The following CAPRIN1 variants were observed in gnomAD, a reference collection of about 807,000 sequenced individuals.
CAPRIN1 encodes cell cycle associated protein 1, also known as caprin-1.
In CAPRIN1, 29 loss-of-function variants were observed where a neutral mutation model predicts 100.9. The observed-to-expected ratio is 0.29, with a 90% CI of 0.21 to 0.39. The LOEUF is 0.39. CAPRIN1 is among the 10% of genes least tolerant of loss of function. The probability of loss-of-function intolerance (pLI) is 1.00; values close to 1 mark genes in which losing one functional copy is unlikely to be tolerated. For missense variants in CAPRIN1, 795 were observed against 876.7 expected, an observed-to-expected ratio of 0.91 and a Z score of 1.18; for synonymous variants, 338 against 307.5, an observed-to-expected ratio of 1.10 and a Z score of -1.04.
At chr11:34,092,435 C>T (rs1851281860) in intron 15 of CAPRIN1, among the ~76,000 whole-genome samples, 1 of 151,526 alleles carries the variant, frequency 6.6e-6, no homozygotes, top group Admixed American at 6.6e-5. Flanking sequence ...CGGCTTACTG[C>T]AACCTCTGCC....
At chr11:34,062,428 A>G (rs1171881385) in intron 2 of CAPRIN1, among the ~76,000 whole-genome samples, 2 of 152,138 alleles carry the variant, frequency 1.3e-5, no homozygotes, top group South Asian at 2.1e-4. Flanking sequence ...GATCAAGACC[A>G]TCTTGGCTAA....
Position 34,086,175 on chromosome 11 carries a change from C to T in CAPRIN1, c.1078C>T (p.Gln360Ter), listed in dbSNP as rs765686887. The T allele has an allele frequency of 6.2e-7, 1 of 1,614,158 alleles. No individual in the cohort carries two copies. The highest frequency in any genetic ancestry group is 8.5e-7 in the Non-Finnish European group (1 of 1,180,004). The stretch of plus-strand genomic sequence containing the variant: ...TCCCCTTGTGAGAAGACAGCGAGTA[C>T]AAGACCTTATGGCACAAATGCAGGG... ...ADPLVRRQRVQDLMAQMQGPY... is the reference protein window; with the variant it reads ...ADPLVRRQRV The change falls in exon 10 of 19, where the codon CAA becomes TAA. Residue 360 changes from glutamine (Q) to a stop codon, truncating the protein, a stop_gained. Transcript: ENST00000341394. LOFTEE classifies it high-confidence loss of function.
intron 2 of CAPRIN1, among the ~76,000 whole-genome samples, chr11:34,061,359 A>T (rs1850575920): frequency 6.6e-6 from 1 of 151,606 alleles, no homozygotes; most frequent in Non-Finnish European, 1.5e-5. Context: ...GGCAACCACC[A>T]CCGCACCCGG....
At chr11:34,087,623 G>A (rs1477208949) in intron 11 of CAPRIN1, among the ~76,000 whole-genome samples, 2 of 152,006 alleles carry the variant, frequency 1.3e-5, no homozygotes, top group Admixed American at 6.5e-5. Context: ...GTGAGCCACC[G>A]CGCCCGGCTC....
intron 16 of CAPRIN1, 63 bp from the exon 17 acceptor site, chr11:34,097,133 T>C: frequency 8.4e-7 from 1 of 1,195,598 alleles, no homozygotes. Flanking sequence ...TCTTCATTAA[T>C]AAAAAAGTAA....
At chr11:34,084,097 G>A (rs1158678035) in intron 9 of CAPRIN1, among the ~76,000 whole-genome samples, 1 of 151,938 alleles carries the variant, frequency 6.6e-6, no homozygotes, top group Non-Finnish European at 1.5e-5. Context: ...CAAAGAGATT[G>A]CAAAGTTTTT....
chr11:34,063,129 A>G (rs1850616041), intron 2 of CAPRIN1: 1 of 152,234 alleles, frequency 6.6e-6, no homozygotes, highest in African/African-American at 2.4e-5. Flanking sequence ...CTTAATTTAA[A>G]AAATCCATTT....
chr11:34,080,041 A>G (rs1850992452), intron 7 of CAPRIN1, among the ~76,000 whole-genome samples: 1 of 150,312 alleles, frequency 6.7e-6, no homozygotes, highest in Non-Finnish European at 1.5e-5. Flanking sequence ...CTCCTGCCTC[A>G]GCCTCCTGAG....
intron 13 of CAPRIN1, 30 bp from the exon 14 acceptor site, chr11:34,090,499 C>A: frequency 6.2e-7 from 1 of 1,601,836 alleles, no homozygotes; most frequent in Non-Finnish European, 8.5e-7. Context: ...TAGTTTACCG[C>A]TAAAGTGCAT....
At chr11:34,087,788 C>T (rs576491821) in intron 11 of CAPRIN1, among the ~76,000 whole-genome samples, 27 of 152,288 alleles carry the variant, frequency 1.8e-4, no homozygotes, top group African/African-American at 6.3e-4. Flanking sequence ...GTATACATAG[C>T]ACTGATAAAA....
chr11:34,071,531 C>T (rs768796080), intron 2 of CAPRIN1, among the ~76,000 whole-genome samples, 195 bp from the exon 3 acceptor site: 4 of 151,992 alleles, frequency 2.6e-5, no homozygotes, highest in Non-Finnish European at 5.9e-5. Context: ...TGCCATTGCA[C>T]GCTAGCCTGG....
chr11:34,090,501 A>G (rs751906017), intron 13 of CAPRIN1, 28 bp from the exon 14 acceptor site: 22 of 1,603,978 alleles, frequency 1.4e-5, no homozygotes, highest in East Asian at 4.5e-5. Flanking sequence ...GTTTACCGCT[A>G]AAGTGCATCT....
chr11:34,079,896 C>T, intron 7 of CAPRIN1, 131 bp downstream of exon 7: 1 of 550,430 alleles, frequency 1.8e-6, no homozygotes, highest in East Asian at 4.1e-5. Context: ...AGACTTTAAG[C>T]ATGACAAAGT....
chr11:34,065,578 A>C (rs1190551559), intron 2 of CAPRIN1, among the ~76,000 whole-genome samples: 1 of 152,174 alleles, frequency 6.6e-6, no homozygotes, highest in Non-Finnish European at 1.5e-5. Context: ...ACTGACGTAA[A>C]CCAACATAGG....
Position 34,066,323 on chromosome 11 carries a change from T to A in CAPRIN1, c.217-5403T>A, listed in dbSNP as rs1316788113. ...TAGTTTCTGTACCTTTTTAATTTAT[T>A]TTTATTTATTTATTTATTTATTTTT... On this transcript the variant is annotated intron_variant, in intron 2 of 18. Coordinates refer to ENST00000341394, the MANE Select transcript of CAPRIN1 (RefSeq NM_005898.5). Among the ~76,000 whole-genome samples the A allele has an allele frequency of 3.3e-5, 5 of 151,432 alleles. No homozygotes were observed. In the East Asian group the frequency reaches 9.7e-4, roughly 29 times the overall value.
intron 11 of CAPRIN1, among the ~76,000 whole-genome samples, chr11:34,088,998 G>C (rs986157792): frequency 2.0e-5 from 3 of 151,980 alleles, no homozygotes; most frequent in African/African-American, 7.3e-5. Flanking sequence ...GCTGGGCATG[G>C]TGGTTCATTC....
chr11:34,099,180 C>T lies in CAPRIN1; in HGVS notation c.2066-123C>T, dbSNP rs945039501. Reference sequence around the variant, plus strand: ...GAAACTTGAACACTGAAGAATTGACCTCTTAAGCCTAATAATGTGGTGACA... The same window carrying T: ...GAAACTTGAACACTGAAGAATTGACTTCTTAAGCCTAATAATGTGGTGACA... On this transcript the variant is annotated intron_variant, in intron 18 of 18. Coordinates refer to ENST00000341394, the MANE Select transcript of CAPRIN1 (RefSeq NM_005898.5). 21 of 1,503,916 alleles carry T rather than the reference C, an allele frequency of 1.4e-5. No homozygotes were observed. In the African/African-American group the frequency reaches 2.9e-4, roughly 21 times the overall value. 93.2% of individuals were successfully genotyped at this position (1,503,916 alleles called of 1,614,324 possible).
Position 34,071,766 on chromosome 11 carries a change from A to G in CAPRIN1, c.257A>G (p.Glu86Gly). The change falls in exon 3 of 19, where the codon GAA becomes GGA. Residue 86 changes from glutamate to glycine, a missense_variant. Transcript: ENST00000341394. ...DDYQERMNKGERLNQDQLDAV... is the reference protein window; with the variant it reads ...DDYQERMNKGGRLNQDQLDAV... ...TACCAGGAACGAATGAACAAAGGGG[A>G]AAGGCTTAATCAAGATCAGCTGGTA... The G allele has an allele frequency of 6.2e-7, 1 of 1,610,556 alleles. No homozygotes were observed. Among genetic ancestry groups the G allele is most frequent in the Non-Finnish European group, 8.5e-7 (1 of 1,177,938 alleles).
intron 4 of CAPRIN1, among the ~76,000 whole-genome samples, chr11:34,073,695 G>A (rs1207647202): frequency 6.6e-6 from 1 of 152,040 alleles, no homozygotes; most frequent in African/African-American, 2.4e-5. Flanking sequence ...CAAAGTGTTG[G>A]GATTACAGTG....
Sources: allele counts gnomAD v4.1 joint callset (sites outside exome capture counted in the v4.1 genomes callset), GRCh38; gene constraint gnomAD v4.1.1; transcripts MANE v1.5; gene names NCBI Gene and HGNC (gene_info 2026-07-23, HGNC 2026-07-21).